SH3KBP1: variants seen among roughly 807,000 people sequenced by gnomAD.
The protein encoded by SH3KBP1 is SH3 domain containing kinase binding protein 1.
A neutral mutation model predicts 50.1 loss-of-function variants in SH3KBP1; 8 were observed. That is an observed-to-expected ratio of 0.16 (90% CI 0.09 to 0.29). The LOEUF (loss-of-function observed/expected upper bound fraction) is 0.29, where lower values mean the gene tolerates loss of function less well. SH3KBP1 is among the 10% of genes least tolerant of loss of function. The pLI is 1.00. For missense variants in SH3KBP1, 377 were observed against 535.2 expected (o/e 0.70, Z 2.92); for synonymous variants, 227 against 218.6 (o/e 1.04, Z -0.34).
chrX:19,724,069 A>T (rs2064148524), intron 3 of SH3KBP1, among the ~76,000 whole-genome samples: 1 of 112,015 alleles, frequency 8.9e-6, no homozygotes, highest in Admixed American at 9.4e-5. Context: ...GTATTTTTTT[A>T]AAAGAGGGGG....
intron 15 of SH3KBP1, among the ~76,000 whole-genome samples, chrX:19,543,855 C>T (rs2065011067): frequency 9.0e-6 from 1 of 111,073 alleles, no homozygotes; most frequent in Non-Finnish European, 1.9e-5. Context: ...GAGGGGTGCC[C>T]AGTAGGCCCC....
At chrX:19,567,388 A>G (rs1018752565) in intron 13 of SH3KBP1, among the ~76,000 whole-genome samples, 4 of 102,219 alleles carry the variant, frequency 3.9e-5, no homozygotes, top group Non-Finnish European at 5.9e-5. Context: ...GCATGGTGGC[A>G]TGTACCTGTG....
chrX:19,577,984 A>C lies in SH3KBP1; in HGVS notation c.1299-8796T>G, dbSNP rs189447530. Among the ~76,000 whole-genome samples, 316 of 111,282 alleles carry C rather than the reference A, an allele frequency of 2.8e-3. 2 individuals carry two copies. Among genetic ancestry groups the C allele is most frequent in the African/African-American group, 9.5e-3 (292 of 30,598 alleles). On this transcript the variant is annotated intron_variant, in intron 12 of 17. Transcript: ENST00000397821. ...AAGCTGGGAAGAAAAGGAAAGGAAAAGAAATAGAAACGCCCCATTGCCTGT... is the reference window on the plus strand; with the variant it reads ...AAGCTGGGAAGAAAAGGAAAGGAAACGAAATAGAAACGCCCCATTGCCTGT...
At chrX:19,781,970 G>A (rs1247829479) in intron 2 of SH3KBP1, among the ~76,000 whole-genome samples, 3 of 111,139 alleles carry the variant, frequency 2.7e-5, no homozygotes, top group Non-Finnish European at 5.7e-5. Context: ...CCTTTTCAAG[G>A]CCCCATCCTG....
At chrX:19,879,047 C>A (rs2147571154) in intron 1 of SH3KBP1, among the ~76,000 whole-genome samples, 1 of 112,066 alleles carries the variant, frequency 8.9e-6, no homozygotes, top group South Asian at 3.6e-4. Context: ...AGTTCGAGAC[C>A]AGCCTGGGCA....
intron 16 of SH3KBP1, among the ~76,000 whole-genome samples, chrX:19,539,681 G>A (rs1440253984): frequency 2.7e-5 from 3 of 112,100 alleles, no homozygotes; most frequent in African/African-American, 9.7e-5. Flanking sequence ...GAAAAGCAGG[G>A]AGGTGAGAAC....
chrX:19,548,646 G>A (rs2147624537), intron 14 of SH3KBP1, among the ~76,000 whole-genome samples: 1 of 111,688 alleles, frequency 9.0e-6, no homozygotes, highest in Admixed American at 9.6e-5. Context: ...GAGAGAAGAG[G>A]TTCCAAGGAA....
At chrX:19,550,123 A>G (rs2065197101) in intron 13 of SH3KBP1, 40 bp from the exon 14 acceptor site, 1 of 875,703 alleles carries the variant, frequency 1.1e-6, no homozygotes, top group African/African-American at 2.0e-5. Flanking sequence ...CCAAAATAGG[A>G]GCAAAGACTC....
Position 19,833,695 on chromosome X carries a change from C to T in SH3KBP1, c.162+2430G>A, listed in dbSNP as rs1011686392. ...TCCTGCTCACTTTCCCACAATCTTG[C>T]TATCCTTCCCCACAGTCTTCCCTCC... On this transcript the variant is annotated intron_variant, in intron 2 of 17. Transcript: ENST00000397821. Among the ~76,000 whole-genome samples, 6 of 109,992 alleles carry T rather than the reference C, an allele frequency of 5.5e-5. No homozygotes were observed. In the East Asian group the frequency reaches 1.4e-3, roughly 27 times the overall value.
intron 8 of SH3KBP1, among the ~76,000 whole-genome samples, chrX:19,623,900 T>C (rs1357759173): frequency 8.9e-6 from 1 of 112,343 alleles, no homozygotes; most frequent in Non-Finnish European, 1.9e-5. Context: ...GACAGTTCAA[T>C]ATACCAGGAA....
At position 19,802,263 on chromosome X, in the gene SH3KBP1, C is replaced by T. The variant is rs773682148; in HGVS notation, c.162+33862G>A. Among the ~76,000 whole-genome samples the T allele has an allele frequency of 7.2e-5, 8 of 110,939 alleles. No individual in the cohort carries two copies. In the South Asian group the frequency reaches 2.3e-3, roughly 32 times the overall value. ...CACAAAAATTAGCCAGTTGTGGTGGCGCATGTCTGTAGTCCCAGCTACTCG... is the reference window on the plus strand; with the variant it reads ...CACAAAAATTAGCCAGTTGTGGTGGTGCATGTCTGTAGTCCCAGCTACTCG... On this transcript the variant is annotated intron_variant, in intron 2 of 17. Transcript: ENST00000397821.
chrX:19,682,703 C>T (rs2063082808), intron 6 of SH3KBP1, among the ~76,000 whole-genome samples: 3 of 109,947 alleles, frequency 2.7e-5, no homozygotes, highest in South Asian at 3.9e-4. Context: ...TTAAATGAAA[C>T]GGTTTTTAAT....
intron 8 of SH3KBP1, among the ~76,000 whole-genome samples, chrX:19,622,163 G>A (rs1341216559): frequency 8.9e-6 from 1 of 111,966 alleles, no homozygotes; most frequent in Non-Finnish European, 1.9e-5. Flanking sequence ...AAAAATATTT[G>A]TAATATGAAG....
intron 2 of SH3KBP1, among the ~76,000 whole-genome samples, chrX:19,804,108 G>C (rs1460941997): frequency 4.5e-5 from 5 of 112,029 alleles, no homozygotes; most frequent in Non-Finnish European, 9.4e-5. Context: ...GGAGGCAGAG[G>C]TTGCAGTAGG....
chrX:19,657,567 A>G (rs917058569), intron 6 of SH3KBP1, among the ~76,000 whole-genome samples: 74 of 108,123 alleles, frequency 6.8e-4, no homozygotes, highest in African/African-American at 2.4e-3. Context: ...GTCTCTACAA[A>G]AAATACAAAA....
At chrX:19,674,319 A>G (rs1469841981) in intron 6 of SH3KBP1, among the ~76,000 whole-genome samples, 1 of 111,771 alleles carries the variant, frequency 8.9e-6, no homozygotes, top group Non-Finnish European at 1.9e-5. Flanking sequence ...ACATCTAGAC[A>G]TGCCATTTAG....
At chrX:19,579,014 G>A (rs998257925) in intron 12 of SH3KBP1, among the ~76,000 whole-genome samples, 4 of 111,493 alleles carry the variant, frequency 3.6e-5, no homozygotes, top group South Asian at 3.8e-4. Context: ...TGAAAAAGTG[G>A]TACCATTTAA....
rs1170966414 is a variant in SH3KBP1, at chrX:19,788,286, C to CAA, written c.163-41847_163-41846dup. Reference sequence around the variant, plus strand: ...TCTATCTCCAAAAAAAAAAAAAAAACAAAAAAAAAAAACACAAAAATGAAG... The same window carrying CAA: ...TCTATCTCCAAAAAAAAAAAAAAAACAAAAAAAAAAAAAACACAAAAATGAAG... On this transcript the variant is annotated intron_variant, in intron 2 of 17. Transcript: ENST00000397821. Among the ~76,000 whole-genome samples, 171 of 65,603 alleles carry CAA rather than the reference C, an allele frequency of 2.6e-3. 2 individuals carry two copies. Among genetic ancestry groups the CAA allele is most frequent in the African/African-American group, 9.5e-3 (169 of 17,848 alleles). 57.0% of individuals were successfully genotyped at this position (65,603 alleles called of 115,157 possible). A position where few individuals can be genotyped will look rare whatever the true frequency, so the allele number is the denominator to read the frequency against.
intron 13 of SH3KBP1, among the ~76,000 whole-genome samples, chrX:19,551,803 C>T (rs1472065667): frequency 2.7e-5 from 3 of 110,720 alleles, no homozygotes; most frequent in Non-Finnish European, 5.7e-5. Context: ...CTACTGAGTC[C>T]ATGTTGTCTA....
Sources: allele counts gnomAD v4.1 joint callset (sites outside exome capture counted in the v4.1 genomes callset), GRCh38; gene constraint gnomAD v4.1.1; transcripts MANE v1.5; gene names NCBI Gene and HGNC (gene_info 2026-07-23, HGNC 2026-07-21).